LINGO2: variants seen among roughly 807,000 people sequenced by gnomAD.
The protein encoded by LINGO2 is leucine rich repeat and Ig domain containing 2, also known as leucine-rich repeat and immunoglobulin-like domain-containing nogo receptor-interacting protein 2.
LINGO2 carries 14 observed loss-of-function variants against 30.6 expected under a neutral mutation model. That is an observed-to-expected ratio of 0.46 (90% CI 0.30 to 0.72). The LOEUF (loss-of-function observed/expected upper bound fraction) is 0.72. Ranked by LOEUF, LINGO2 falls within the 30% of genes least tolerant of loss-of-function variation. The pLI is 0.07. For synonymous variants in LINGO2, 317 were observed against 288.5 expected (o/e 1.10, Z -1.00); for missense variants, 729 against 751.7 (o/e 0.97, Z 0.35).
chr9:28,262,932 C>T lies in LINGO2; in HGVS notation c.-87+32276G>A, dbSNP rs569431979. Among the ~76,000 whole-genome samples, 5 of 152,096 alleles carry T rather than the reference C, an allele frequency of 3.3e-5. No homozygotes were observed. In the South Asian group the frequency reaches 6.2e-4, roughly 19 times the overall value. On this transcript the variant is annotated intron_variant, in intron 4 of 5. Coordinates refer to ENST00000379992, the Ensembl canonical transcript of LINGO2. ...TGACTGTGTAACAAGTAAGTTTGTACTCTAAACTTAGAAGCTTACAACACA... is the reference window on the plus strand; with the variant it reads ...TGACTGTGTAACAAGTAAGTTTGTATTCTAAACTTAGAAGCTTACAACACA...
chr9:28,459,934 T>G (rs1369787898), intron 2 of LINGO2, among the ~76,000 whole-genome samples: 1 of 152,178 alleles, frequency 6.6e-6, no homozygotes, highest in Non-Finnish European at 1.5e-5. Context: ...AAACCAATAG[T>G]TGATTTCAAA....
At chr9:28,597,439 T>C (rs372327907) in intron 1 of LINGO2, among the ~76,000 whole-genome samples, 7 of 152,244 alleles carry the variant, frequency 4.6e-5, no homozygotes, top group South Asian at 2.1e-4. Flanking sequence ...AAATTGGACA[T>C]GTGGGGGTCT....
chr9:28,303,696 G>T (rs1432090276), intron 3 of LINGO2, among the ~76,000 whole-genome samples: 1 of 151,936 alleles, frequency 6.6e-6, no homozygotes, highest in Non-Finnish European at 1.5e-5. Flanking sequence ...CCATGAGGAA[G>T]AAAAAGGTAT....
the LINGO2 span, among the ~76,000 whole-genome samples, chr9:28,933,860 T>A: frequency 6.6e-6 from 1 of 152,238 alleles, no homozygotes; most frequent in African/African-American, 2.4e-5. Context: ...TCATTTTCTC[T>A]TATAAAAACT....
At chr9:28,864,217 T>C in the LINGO2 span, among the ~76,000 whole-genome samples, 2 of 152,132 alleles carry the variant, frequency 1.3e-5, no homozygotes, top group Non-Finnish European at 2.9e-5. Flanking sequence ...AATCTGCCCT[T>C]GTACCCCTGA....
chr9:27,964,896 G>T (rs1443381946), intron 5 of LINGO2, among the ~76,000 whole-genome samples: 2 of 152,096 alleles, frequency 1.3e-5, no homozygotes, highest in East Asian at 3.9e-4. Context: ...CTTCCAGGTG[G>T]CCTTGTTATA....
intron 1 of LINGO2, among the ~76,000 whole-genome samples, chr9:28,493,281 A>G (rs1241168833): frequency 6.6e-6 from 1 of 152,170 alleles, no homozygotes; most frequent in African/African-American, 2.4e-5. Context: ...CTCCAGAACT[A>G]AAAACACGAT....
At chr9:28,843,534 A>G in the LINGO2 span, among the ~76,000 whole-genome samples, 2 of 151,884 alleles carry the variant, frequency 1.3e-5, no homozygotes, top group Non-Finnish European at 2.9e-5. Flanking sequence ...AGAAGGACAC[A>G]AGACAGAGAC....
In LINGO2 at chr9:28,616,680, C is replaced by A. The variant is rs149789520; in HGVS notation, c.-365+53520G>T. On this transcript the variant is annotated intron_variant, in intron 1 of 5. Transcript: ENST00000379992. Reference sequence around the variant, plus strand: ...AAACAGACAGAACTGGAAAAAAATGCACTGTTTTTAGCTGTGTGGACACTG... The same window carrying A: ...AAACAGACAGAACTGGAAAAAAATGAACTGTTTTTAGCTGTGTGGACACTG... Among the ~76,000 whole-genome samples, 52 of 152,290 alleles carry A rather than the reference C, an allele frequency of 3.4e-4. No homozygotes were observed. In the East Asian group the frequency reaches 9.8e-3, roughly 29 times the overall value.
At chr9:29,141,983 T>C in the LINGO2 span, among the ~76,000 whole-genome samples, 1 of 151,820 alleles carries the variant, frequency 6.6e-6, no homozygotes, top group Non-Finnish European at 1.5e-5. Context: ...TAACTTTCAA[T>C]AATGAATAGA....
At chr9:28,237,795 A>G (rs986142506) in intron 4 of LINGO2, among the ~76,000 whole-genome samples, 3 of 152,162 alleles carry the variant, frequency 2.0e-5, no homozygotes, top group Non-Finnish European at 2.9e-5. Flanking sequence ...TGGAGGTTGC[A>G]GTGAGCCAAG....
At chr9:28,960,301 A>G in the LINGO2 span, among the ~76,000 whole-genome samples, 890 of 152,160 alleles carry the variant, frequency 5.8e-3, 7 homozygotes, top group African/African-American at 0.021. Context: ...GGTGTTCAAG[A>G]CCAGCCTGAG....
At position 28,390,666 on chromosome 9, in the gene LINGO2, T is replaced by C. The variant is rs115046792; in HGVS notation, c.-278-17798A>G. Among the ~76,000 whole-genome samples the C allele has an allele frequency of 6.0e-3, 914 of 152,170 alleles. 9 individuals carry two copies. The highest frequency in any genetic ancestry group is 0.021 in the African/African-American group (887 of 41,526). ...ACTTAAGTCTGCCATCTCCTAAACC[T>C]TCCTGTGCTCCTGCTTCCTCCCTGC... On this transcript the variant is annotated intron_variant, in intron 2 of 5. Coordinates refer to ENST00000379992, the Ensembl canonical transcript of LINGO2.
the LINGO2 span, among the ~76,000 whole-genome samples, chr9:29,128,523 T>C: frequency 6.6e-6 from 1 of 152,150 alleles, no homozygotes; most frequent in African/African-American, 2.4e-5. Flanking sequence ...GAGTTGCATG[T>C]ATACAGGCTT....
At chr9:28,884,962 TATATATATA>T in the LINGO2 span, among the ~76,000 whole-genome samples, 1 of 18,012 alleles carries the variant, frequency 5.6e-5, no homozygotes, top group East Asian at 1.4e-3. Flanking sequence ...TATAATATTT[TATATATATA>T]ATATATATAA....
intron 2 of LINGO2, among the ~76,000 whole-genome samples, chr9:28,402,389 G>A (rs1929807): frequency 0.43 from 65,281 of 151,896 alleles, 14,616 homozygotes; most frequent in East Asian, 0.76. Flanking sequence ...CAGAGTAGAA[G>A]ATAAAACATT....
chr9:28,094,218 A>G (rs1341897253), intron 4 of LINGO2, among the ~76,000 whole-genome samples: 1 of 152,158 alleles, frequency 6.6e-6, no homozygotes, highest in Non-Finnish European at 1.5e-5. Flanking sequence ...CAAAGGAGGA[A>G]TAGTAACTTA....
intron 3 of LINGO2, among the ~76,000 whole-genome samples, chr9:28,345,929 A>C (rs1819546914): frequency 6.6e-6 from 1 of 152,204 alleles, no homozygotes; most frequent in Non-Finnish European, 1.5e-5. Flanking sequence ...TCCCATTGGA[A>C]TTGCCTAATT....
At chr9:28,984,201 G>A in the LINGO2 span, among the ~76,000 whole-genome samples, 1 of 152,164 alleles carries the variant, frequency 6.6e-6, no homozygotes, top group East Asian at 1.9e-4. Flanking sequence ...TCTAGCCCCT[G>A]GCTCAGCCAC....
Sources: gnomAD v4.1 joint callset for allele counts (sites outside exome capture counted in the v4.1 genomes callset) on GRCh38, gnomAD v4.1.1 for gene constraint, MANE v1.5 for transcripts, NCBI Gene and HGNC (gene_info 2026-07-23, HGNC 2026-07-21) for gene names.